Variants in PITPNC1 observed in about 807,000 individuals in gnomAD.
PITPNC1 encodes phosphatidylinositol transfer protein cytoplasmic 1.
PITPNC1 carries 18 observed loss-of-function variants against 44.7 expected under a neutral mutation model. The observed-to-expected ratio is 0.40, with a 90% confidence interval of 0.28 to 0.60. The LOEUF (loss-of-function observed/expected upper bound fraction) is 0.60, where lower values mean the gene tolerates loss of function less well. PITPNC1 is among the 20% of genes least tolerant of loss of function. The pLI, the probability that PITPNC1 is intolerant of heterozygous loss-of-function variation, is 0.39. For synonymous variants in PITPNC1, 141 were observed against 149.6 expected, an observed-to-expected ratio of 0.94 and a Z score of 0.42; for missense variants, 290 against 418.4, an observed-to-expected ratio of 0.69 and a Z score of 2.68.
intron 5 of PITPNC1, among the ~76,000 whole-genome samples, chr17:67,631,068 AT>A (rs1567749293): frequency 6.9e-6 from 1 of 145,970 alleles, no homozygotes; most frequent in African/African-American, 2.5e-5. Context: ...TATTATTATT[AT>A]TATTATTATT....
chr17:67,420,589 G>A (rs1213021886), intron 1 of PITPNC1, among the ~76,000 whole-genome samples: 2 of 151,722 alleles, frequency 1.3e-5, no homozygotes, highest in East Asian at 3.9e-4. Flanking sequence ...CCACCACCAC[G>A]CCTGGCTGAT....
chr17:67,436,231 C>A (rs546818759), intron 1 of PITPNC1, among the ~76,000 whole-genome samples: 2 of 152,142 alleles, frequency 1.3e-5, no homozygotes, highest in Admixed American at 6.5e-5. Flanking sequence ...AAATTCCTGG[C>A]CTCAAAGGAT....
intron 6 of PITPNC1, among the ~76,000 whole-genome samples, chr17:67,651,165 G>A (rs972102523): frequency 6.6e-6 from 1 of 151,988 alleles, no homozygotes; most frequent in African/African-American, 2.4e-5. Context: ...TCAAGTTTTA[G>A]GTCAGTTCTC....
At chr17:67,402,737 G>A (rs1167447927) in intron 1 of PITPNC1, among the ~76,000 whole-genome samples, 2 of 152,180 alleles carry the variant, frequency 1.3e-5, no homozygotes, top group Non-Finnish European at 2.9e-5. Flanking sequence ...CGCAATCGCT[G>A]TTCACTGCAA....
chr17:67,425,194 C>CGCGT (rs1491360473), intron 1 of PITPNC1, among the ~76,000 whole-genome samples: 1 of 32,844 alleles, frequency 3.0e-5, no homozygotes, highest in South Asian at 9.6e-4. Flanking sequence ...TGTGCGCGCG[C>CGCGT]ACGCACACGC....
intron 1 of PITPNC1, among the ~76,000 whole-genome samples, chr17:67,509,569 AATAAAT>A (rs1463008115): frequency 8.9e-5 from 13 of 146,486 alleles, no homozygotes; most frequent in African/African-American, 3.3e-4. Context: ...AAAATAAATA[AATAAAT>A]AAATAAATAA....
intron 5 of PITPNC1, among the ~76,000 whole-genome samples, chr17:67,580,194 C>T (rs2041210406): frequency 1.3e-5 from 2 of 152,150 alleles, no homozygotes. Context: ...GTACCACCTT[C>T]CATATTTCAG....
intron 1 of PITPNC1, among the ~76,000 whole-genome samples, chr17:67,503,848 C>T (rs2949941): frequency 0.75 from 113,421 of 152,028 alleles, 42,348 homozygotes; most frequent in Middle Eastern, 0.85. Flanking sequence ...GCTTTCTTTA[C>T]GCGATATGAG....
intron 4 of PITPNC1, among the ~76,000 whole-genome samples, chr17:67,569,994 C>T (rs1447847299): frequency 3.3e-5 from 5 of 152,134 alleles, no homozygotes; most frequent in Admixed American, 3.3e-4. Context: ...AGAAATGACT[C>T]ACTGATTTCC....
intron 7 of PITPNC1, among the ~76,000 whole-genome samples, chr17:67,670,118 T>C (rs950037392): frequency 5.3e-5 from 8 of 152,082 alleles, no homozygotes; most frequent in Non-Finnish European, 8.8e-5. Flanking sequence ...TAAAAAATAC[T>C]TTTTGGATGA....
chr17:67,487,549 C>T (rs2039797562), intron 1 of PITPNC1, among the ~76,000 whole-genome samples: 1 of 152,184 alleles, frequency 6.6e-6, no homozygotes, highest in South Asian at 2.1e-4. Context: ...GCGAGTGTTT[C>T]TCTGTATCCA....
rs149307834 is a variant in PITPNC1, at chr17:67,401,988, A to G, written c.48+23786A>G. On this transcript the variant is annotated intron_variant, in intron 1 of 8. Coordinates refer to ENST00000581322, the MANE Select transcript of PITPNC1 (RefSeq NM_012417.4). ...ACCATTCCTGTGGTTCCTCTTTCTTATTGCCCTTTAGAAAATATTGAACGC... is the reference window on the plus strand; with the variant it reads ...ACCATTCCTGTGGTTCCTCTTTCTTGTTGCCCTTTAGAAAATATTGAACGC... Among the ~76,000 whole-genome samples, 5 of 152,124 alleles carry G rather than the reference A, an allele frequency of 3.3e-5. No individual in the cohort carries two copies. In the East Asian group the frequency reaches 9.6e-4, roughly 29 times the overall value.
At chr17:67,417,856 A>T (rs528388599) in intron 1 of PITPNC1, among the ~76,000 whole-genome samples, 1 of 151,968 alleles carries the variant, frequency 6.6e-6, no homozygotes, top group East Asian at 1.9e-4. Flanking sequence ...CAGCATGGAC[A>T]ACATGGTGAG....
chr17:67,572,806 GACCT>G (rs59331383), intron 4 of PITPNC1, among the ~76,000 whole-genome samples: 124,066 of 150,552 alleles, frequency 0.82, 51,580 homozygotes, highest in African/African-American at 0.93. Flanking sequence ...AGGGGGAGTG[GACCT>G]ACCTAGATTT....
chr17:67,645,092 G>A (rs999997728), intron 6 of PITPNC1, among the ~76,000 whole-genome samples: 1 of 152,098 alleles, frequency 6.6e-6, no homozygotes, highest in Non-Finnish European at 1.5e-5. Context: ...TGTAATCCCA[G>A]CACTTTGGGA....
intron 1 of PITPNC1, among the ~76,000 whole-genome samples, chr17:67,444,077 A>T (rs2039057837): frequency 6.6e-6 from 1 of 152,050 alleles, no homozygotes; most frequent in Non-Finnish European, 1.5e-5. Flanking sequence ...TGATGAACCC[A>T]CATGTACCCA....
chr17:67,499,407 G>T (rs1331614643), intron 1 of PITPNC1, among the ~76,000 whole-genome samples: 1 of 151,650 alleles, frequency 6.6e-6, no homozygotes, highest in Non-Finnish European at 1.5e-5. Context: ...GTAGAGACAG[G>T]GGTCTCACCA....
At chr17:67,557,952 C>T (rs1240712121) in intron 4 of PITPNC1, among the ~76,000 whole-genome samples, 1 of 152,220 alleles carries the variant, frequency 6.6e-6, no homozygotes, top group East Asian at 1.9e-4. Context: ...CGGTGCCCTT[C>T]CTTTCCTCAG....
At chr17:67,492,456 C>T (rs1342945437) in intron 1 of PITPNC1, among the ~76,000 whole-genome samples, 4 of 152,102 alleles carry the variant, frequency 2.6e-5, no homozygotes, top group East Asian at 1.9e-4. Flanking sequence ...AGGCAACAAA[C>T]GGGTGGTCCC....
Sources: gnomAD v4.1 joint callset for allele counts (sites outside exome capture counted in the v4.1 genomes callset) on GRCh38, gnomAD v4.1.1 for gene constraint, MANE v1.5 for transcripts, NCBI Gene and HGNC (gene_info 2026-07-23, HGNC 2026-07-21) for gene names.